PTPRD: variants seen among roughly 807,000 people sequenced by gnomAD.
The protein encoded by PTPRD is protein tyrosine phosphatase receptor type D.
In PTPRD, 34 loss-of-function variants were observed where a neutral mutation model predicts 214.5. The ratio of observed to expected loss-of-function variants is 0.16; its 90% CI spans 0.12 to 0.21. The LOEUF is 0.21. Among genes scored for constraint, PTPRD ranks in the 10% least tolerant of loss-of-function variants. PTPRD has a pLI of 1.00. For synonymous variants in PTPRD, 1,128 were observed against 845.7 expected (o/e 1.33, Z -5.79); for missense variants, 2,545 against 2,398.7 (o/e 1.06, Z -1.27).
intron 14 of PTPRD, among the ~76,000 whole-genome samples, chr9:8,554,170 A>G (rs2083001393): frequency 1.3e-5 from 2 of 152,186 alleles, no homozygotes; most frequent in Non-Finnish European, 2.9e-5. Context: ...CCTAAACGAC[A>G]GGGCAAGACT....
At chr9:8,379,760 C>T (rs545714513) in intron 37 of PTPRD, among the ~76,000 whole-genome samples, 1 of 152,254 alleles carries the variant, frequency 6.6e-6, no homozygotes, top group Non-Finnish European at 1.5e-5. Context: ...TACATAAGAA[C>T]TAGAAGGCAG....
intron 8 of PTPRD, among the ~76,000 whole-genome samples, chr9:9,531,354 A>G (rs1295894475): frequency 6.6e-6 from 1 of 152,176 alleles, no homozygotes; most frequent in Non-Finnish European, 1.5e-5. Flanking sequence ...AATATGTGGC[A>G]TATAATAAGT....
intron 2 of PTPRD, among the ~76,000 whole-genome samples, chr9:10,570,493 C>A (rs967789511): frequency 2.6e-5 from 4 of 151,868 alleles, no homozygotes; most frequent in African/African-American, 9.7e-5. Flanking sequence ...ATAGTATGAG[C>A]GGAAGAATAG....
intron 2 of PTPRD, among the ~76,000 whole-genome samples, chr9:10,588,724 G>C (rs1465888044): frequency 6.6e-6 from 1 of 151,862 alleles, no homozygotes; most frequent in African/African-American, 2.4e-5. Context: ...CAAGGGTCTG[G>C]AAGACACTTA....
chr9:8,757,838 T>A (rs1291112007), intron 11 of PTPRD, among the ~76,000 whole-genome samples: 1 of 152,086 alleles, frequency 6.6e-6, no homozygotes, highest in African/African-American at 2.4e-5. Flanking sequence ...CAAAATATAA[T>A]CCCAATTTTG....
rs1026893025 is a variant in PTPRD at position 10,147,960 on chromosome 9, T to A, written c.-544-114170A>T. ...ATTGTGGTAGCAAGGTCTGAGCCCA[T>A]TAGAAAAGTGAAAGTATATAGTTAA... is the stretch of plus-strand genomic sequence containing the variant. On this transcript the variant is annotated intron_variant, in intron 3 of 45. Transcript: ENST00000381196. Among the ~76,000 whole-genome samples the A allele has an allele frequency of 2.6e-5, 4 of 152,182 alleles. No homozygotes were observed. The South Asian group carries it at 6.2e-4, about 24-fold the overall frequency.
intron 3 of PTPRD, among the ~76,000 whole-genome samples, chr9:10,338,389 T>C (rs943394185): frequency 4.0e-5 from 6 of 151,806 alleles, no homozygotes; most frequent in Admixed American, 3.3e-4. Flanking sequence ...CTGATAGTCC[T>C]TCCACACGCA....
At chr9:8,436,180 T>A (rs1372389114) in intron 35 of PTPRD, among the ~76,000 whole-genome samples, 1 of 151,926 alleles carries the variant, frequency 6.6e-6, no homozygotes, top group Non-Finnish European at 1.5e-5. Flanking sequence ...AATAGAGTGG[T>A]GATTACCAAT....
At chr9:9,326,943 C>A (rs4562383) in intron 9 of PTPRD, among the ~76,000 whole-genome samples, 92,933 of 151,890 alleles carry the variant, frequency 0.61, 29,030 homozygotes, top group East Asian at 0.88. Context: ...CACCAAGTAA[C>A]AGTGTCCTAG....
chr9:10,454,625 C>T (rs1217754961), intron 2 of PTPRD, among the ~76,000 whole-genome samples: 1 of 151,632 alleles, frequency 6.6e-6, no homozygotes, highest in Non-Finnish European at 1.5e-5. Context: ...CCTCTTCTCT[C>T]CCATAGTTCT....
intron 10 of PTPRD, among the ~76,000 whole-genome samples, chr9:9,044,199 T>C (rs1390136243): frequency 6.6e-6 from 1 of 152,214 alleles, no homozygotes; most frequent in Non-Finnish European, 1.5e-5. Context: ...AGACTTGCAT[T>C]GCTAAGGAAT....
intron 9 of PTPRD, among the ~76,000 whole-genome samples, chr9:9,188,653 C>T (rs2099933174): frequency 6.6e-6 from 1 of 151,950 alleles, no homozygotes; most frequent in African/African-American, 2.4e-5. Context: ...GATGGTTGTG[C>T]CATGAGTGGT....
chr9:8,436,717 A>G (rs759206062), intron 34 of PTPRD, 28 bp from the exon 35 acceptor site: 5 of 1,537,168 alleles, frequency 3.3e-6, no homozygotes, highest in Middle Eastern at 1.7e-4. Context: ...GAAGAAACAC[A>G]TTTGAAAACA....
At chr9:9,387,038 G>C (rs781501103) in intron 9 of PTPRD, among the ~76,000 whole-genome samples, 6 of 152,210 alleles carry the variant, frequency 3.9e-5, no homozygotes, top group African/African-American at 1.4e-4. Flanking sequence ...TTTGATGTGA[G>C]TGCAGGTGCT....
At chr9:9,877,757 C>A (rs1269684534) in intron 5 of PTPRD, among the ~76,000 whole-genome samples, 1 of 151,946 alleles carries the variant, frequency 6.6e-6, no homozygotes, top group Non-Finnish European at 1.5e-5. Context: ...GGCAGATCAC[C>A]TGAGGTAGGG....
chr9:9,227,381 C>G (rs1328683844), intron 9 of PTPRD, among the ~76,000 whole-genome samples: 1 of 152,068 alleles, frequency 6.6e-6, no homozygotes. Flanking sequence ...CAGCCCCTAG[C>G]CTGGAGAAAA....
chr9:10,009,925 G>C (rs2096562373), intron 4 of PTPRD, among the ~76,000 whole-genome samples: 1 of 151,842 alleles, frequency 6.6e-6, no homozygotes, highest in African/African-American at 2.4e-5. Flanking sequence ...AGTTGTGCCT[G>C]AATTCCAAAG....
At chr9:9,476,049 C>G (rs1569568660) in intron 8 of PTPRD, among the ~76,000 whole-genome samples, 2 of 151,984 alleles carry the variant, frequency 1.3e-5, no homozygotes, top group African/African-American at 4.8e-5. Context: ...TTAAAAGGGC[C>G]ATTTATGAAT....
At chr9:10,050,812 T>A (rs2097523073) in intron 3 of PTPRD, among the ~76,000 whole-genome samples, 2 of 151,988 alleles carry the variant, frequency 1.3e-5, no homozygotes, top group African/African-American at 4.8e-5. Context: ...CTGTCCAATT[T>A]TGGGTGAGTT....
Sources: allele counts gnomAD v4.1 joint callset (sites outside exome capture counted in the v4.1 genomes callset), GRCh38; gene constraint gnomAD v4.1.1; transcripts MANE v1.5; gene names NCBI Gene and HGNC (gene_info 2026-07-23, HGNC 2026-07-21).